Variants in MYH1 observed in about 807,000 individuals in gnomAD.
MYH1 encodes myosin heavy chain 1, also known as myosin-1.
MYH1 carries 214 observed loss-of-function variants against 225.6 expected under a neutral mutation model. The observed-to-expected ratio is 0.95, with a 90% confidence interval of 0.85 to 1.06. MYH1 has a LOEUF of 1.06. Among genes scored for constraint, MYH1 ranks in the 50% least tolerant of loss-of-function variants. The pLI is 0.00. For missense variants in MYH1, 2,098 were observed against 2,344.2 expected, an observed-to-expected ratio of 0.89 and a Z score of 2.17; for synonymous variants, 774 against 842.3, an observed-to-expected ratio of 0.92 and a Z score of 1.40.
chr17:10,496,611 A>G, intron 33 of MYH1, 62 bp from the exon 34 acceptor site: 4 of 1,605,606 alleles, frequency 2.5e-6, no homozygotes, highest in Middle Eastern at 3.3e-4. Flanking sequence ...TCTAGAGATA[A>G]GAATGATTTA....
In MYH1 at chr17:10,496,382, C is replaced by T. The variant is rs758314512; in HGVS notation, c.4824G>A (p.Glu1608=). Residue 1608 remains glutamate (E), a synonymous_variant, in exon 34 of 40, where the codon GAG becomes GAA. Transcript: ENST00000226207. ...TAATGGCATCATTCCTGCTCCTGAT[C>T]TCAGCATCCAGTGTGCTCTGCATGG... ...VESMQSTLDA[E]IRSRNDAIRL... is the part of the protein sequence containing the mutation. The T allele has an allele frequency of 5.0e-6, 8 of 1,613,936 alleles. No homozygotes were observed. The highest frequency in any genetic ancestry group is 3.3e-5 in the Admixed American group (2 of 60,000).
intron 5 of MYH1, among the ~76,000 whole-genome samples, chr17:10,515,248 C>T (rs1366050787): frequency 1.3e-5 from 2 of 152,130 alleles, no homozygotes; most frequent in African/African-American, 4.8e-5. Context: ...CAGATGACTT[C>T]ACAAAGAGAA....
chr17:10,492,431 G>A lies in MYH1; in HGVS notation c.5805C>T (p.Ile1935=), dbSNP rs746682561. 1.2e-6 allele frequency: 2 copies of A among 1,613,856 alleles called. No individual in the cohort carries two copies. Among genetic ancestry groups the A allele is most frequent in the South Asian group, 2.2e-5 (2 of 90,984 alleles). The change falls in exon 40 of 40, where the codon ATC becomes ATT. Residue 1935 remains isoleucine, a synonymous_variant. Transcript: ENST00000226207. ...GTTAGATAAATTACTCTTCACTTAT[G>A]ATTTTTGTGTGAACCTCCCTGCTCT... ...RVKSREVHTK[I]ISEE is the part of the protein sequence containing the mutation.
chr17:10,494,411 G>A lies in MYH1; in HGVS notation c.5610C>T (p.Asp1870=). The part of the protein sequence containing the change: ...EDRKNILRLQ[D]LVDKLQAKVK... ...CCTTTGCTTGCAGTTTGTCCACCAGGTCCTGGAGCCTGAGAATATTCTTGC... is the reference window on the plus strand; with the variant it reads ...CCTTTGCTTGCAGTTTGTCCACCAGATCCTGGAGCCTGAGAATATTCTTGC... Residue 1870 remains aspartate (D), a synonymous_variant, in exon 39 of 40, where the codon GAC becomes GAT. Transcript: ENST00000226207. 2 of 1,614,108 alleles carry A rather than the reference G, an allele frequency of 1.2e-6. No homozygotes were observed. The highest frequency in any genetic ancestry group is 1.1e-5 in the South Asian group (1 of 91,078).
chr17:10,495,484 G>A (rs191973019), intron 35 of MYH1, among the ~76,000 whole-genome samples, 167 bp from the exon 36 acceptor site: 25 of 152,056 alleles, frequency 1.6e-4, no homozygotes, highest in Admixed American at 1.2e-3. Context: ...TCAACTGGCC[G>A]GGCGCGGTGG....
chr17:10,514,799 T>C, intron 6 of MYH1, 69 bp downstream of exon 6: 1 of 1,420,464 alleles, frequency 7.0e-7, no homozygotes, highest in Non-Finnish European at 9.9e-7. Flanking sequence ...TTAACTAATT[T>C]CTTTTTTTGG....
chr17:10,498,022 C>T (rs1322846577), intron 30 of MYH1, 105 bp from the exon 31 acceptor site: 24 of 1,123,578 alleles, frequency 2.1e-5, no homozygotes, highest in Non-Finnish European at 2.8e-5. Context: ...TAATACTTTG[C>T]TTCTCAAGCT....
rs1337357429 is a variant in MYH1, at chr17:10,497,455, G to A, written c.4366-3C>T. On this transcript the variant is annotated splice_polypyrimidine_tract_variant and splice_region_variant and intron_variant, in intron 31 of 39. Transcript: ENST00000226207. ...TTCTGTTTCCATTCTGCCAGGATCT[G>A]AAGGTCAAGGAATGGACAAGAAATT... is the stretch of plus-strand genomic sequence containing the variant. 4.4e-6 allele frequency: 7 copies of A among 1,595,970 alleles called. No homozygotes were observed. The African/African-American group carries it at 6.8e-5, about 15-fold the overall frequency.
chr17:10,496,425 T>C lies in MYH1; in HGVS notation c.4781A>G (p.His1594Arg), dbSNP rs2072995276. Residue 1594 changes from histidine to arginine, a missense_variant, in exon 34 of 40, where the codon CAC becomes CGC. Physicochemically the swap from His to Arg is conservative, Grantham distance 29 (BLOSUM62 0). Transcript: ENST00000226207. ...DEEIDQMKRNHIRIVESMQST... is the reference protein window; with the variant it reads ...DEEIDQMKRNRIRIVESMQST... Reference sequence around the variant, plus strand: ...CTGCATGGACTCCACGATTCTAATGTGGTTTCTCTTCATCTGGTCAATTTC... The same window carrying C: ...CTGCATGGACTCCACGATTCTAATGCGGTTTCTCTTCATCTGGTCAATTTC... 21 of 1,614,010 alleles carry C rather than the reference T, an allele frequency of 1.3e-5. No homozygotes were observed. In the East Asian group the frequency reaches 4.7e-4, roughly 36 times the overall value.
Position 10,495,103 on chromosome 17 carries a change from T to C in MYH1, c.5296-2A>G. 1 of 1,614,206 alleles carries C rather than the reference T, an allele frequency of 6.2e-7. No individual in the cohort carries two copies. Among genetic ancestry groups the C allele is most frequent in the South Asian group, 1.1e-5 (1 of 91,084 alleles). On this transcript the variant is annotated splice_acceptor_variant, in intron 36 of 39. Transcript: ENST00000226207. LOFTEE classifies it high-confidence loss of function. ...CAGCTCCTCAGCCATCATGGCAGCCTAATTAGCAGTAAAACAGAATGGGTT... is the reference window on the plus strand; with the variant it reads ...CAGCTCCTCAGCCATCATGGCAGCCCAATTAGCAGTAAAACAGAATGGGTT...
At position 10,497,911 on chromosome 17, in the gene MYH1, C is replaced by T. The variant is rs779036217; in HGVS notation, c.4188G>A (p.Lys1396=). 3 of 1,596,770 alleles carry T rather than the reference C, an allele frequency of 1.9e-6. No individual in the cohort carries two copies. The highest frequency in any genetic ancestry group is 2.6e-6 in the Non-Finnish European group (3 of 1,175,328). ...CAGCATCCTGCAGACGCTGAGCCAG[C>T]TTCTTCCTATGAAATATGGGCAATA... The part of the protein sequence containing the change: ...RTEELEEAKK[K]LAQRLQDAEE... Residue 1396 remains lysine, a synonymous_variant, in exon 31 of 40, where the codon AAG becomes AAA. Transcript: ENST00000226207.
chr17:10,494,954 G>A lies in MYH1; in HGVS notation c.5443C>T (p.Gln1815Ter). 1.2e-6 allele frequency: 2 copies of A among 1,614,140 alleles called. No homozygotes were observed. Among genetic ancestry groups the A allele is most frequent in the Non-Finnish European group, 1.7e-6 (2 of 1,180,016 alleles). ...ACCCTGGCCTCCAGTTTCTGGATCTGCTTCTTCCCACCCTTCAGGGCCAGC... is the reference window on the plus strand; with the variant it reads ...ACCCTGGCCTCCAGTTTCTGGATCTACTTCTTCCCACCCTTCAGGGCCAGC... ...EQLALKGGKK[Q>*]IQKLEARVRE... Residue 1815 changes from glutamine to a stop codon, truncating the protein, a stop_gained, in exon 37 of 40, where the codon CAG becomes TAG. Coordinates refer to ENST00000226207, the MANE Select transcript of MYH1 (RefSeq NM_005963.4). LOFTEE classifies it high-confidence loss of function.
chr17:10,494,516 CT>C, intron 38 of MYH1, 52 bp downstream of exon 38: 1 of 1,610,600 alleles, frequency 6.2e-7, no homozygotes, highest in Non-Finnish European at 8.5e-7. Flanking sequence ...ATACATATGA[CT>C]TTTAATCCCA....
At chr17:10,512,319 G>A (rs576242675) in intron 12 of MYH1, 89 bp downstream of exon 12, 183 of 1,602,592 alleles carry the variant, frequency 1.1e-4, no homozygotes, top group African/African-American at 9.1e-4. Context: ...TGTCCATCAG[G>A]AGCTCAGCTG....
chr17:10,502,649 G>A (rs556710769), intron 24 of MYH1, 89 bp downstream of exon 24: 3 of 1,571,298 alleles, frequency 1.9e-6, no homozygotes, highest in South Asian at 1.1e-5. Flanking sequence ...CACTTGATAA[G>A]TACTCACTAT....
Position 10,498,831 on chromosome 17 carries a change from A to C in MYH1, c.3985-9T>G. Reference sequence around the variant, plus strand: ...GCCAGGGCACTCTTGGCCTGAGAACATAGAGATTGATGACTTAATTTTATA... The same window carrying C: ...GCCAGGGCACTCTTGGCCTGAGAACCTAGAGATTGATGACTTAATTTTATA... On this transcript the variant is annotated splice_polypyrimidine_tract_variant and intron_variant, in intron 29 of 39. Transcript: ENST00000226207. The C allele has an allele frequency of 6.2e-7, 1 of 1,613,910 alleles. No homozygotes were observed. The highest frequency in any genetic ancestry group is 1.7e-5 in the Admixed American group (1 of 59,962).
intron 28 of MYH1, among the ~76,000 whole-genome samples, chr17:10,499,492 A>T (rs1305636109): frequency 6.6e-6 from 1 of 152,222 alleles, no homozygotes; most frequent in Non-Finnish European, 1.5e-5. Context: ...ACTGTGGAAA[A>T]TAAGAGACTT....
Position 10,518,287 on chromosome 17 carries a change from A to T in MYH1, c.-71-17T>A, listed in dbSNP as rs954399332. On this transcript the variant is annotated splice_polypyrimidine_tract_variant and intron_variant, in intron 1 of 39. Coordinates refer to ENST00000226207, the MANE Select transcript of MYH1 (RefSeq NM_005963.4). ...GGATCAGAACTGTAAGAAAAAGAGC[A>T]AACCTCTTCTGATTAAATTATAACA... The T allele has an allele frequency of 6.6e-6, 1 of 152,242 alleles. No homozygotes were observed. Among genetic ancestry groups the T allele is most frequent in the Non-Finnish European group, 1.5e-5 (1 of 68,052 alleles). The allele number at this position is 152,242 out of a possible 1,614,324, so 9.4% of individuals were successfully genotyped here.
At position 10,508,357 on chromosome 17, in the gene MYH1, A is replaced by C; in HGVS notation, c.1897+6T>G. The C allele has an allele frequency of 6.3e-7, 1 of 1,590,842 alleles. No homozygotes were observed. The highest frequency in any genetic ancestry group is 8.5e-7 in the Non-Finnish European group (1 of 1,169,886). On this transcript the variant is annotated splice_donor_region_variant and intron_variant, in intron 16 of 39. Coordinates refer to ENST00000226207, the MANE Select transcript of MYH1 (RefSeq NM_005963.4). ...TAGGTAAAAGATTAATTATATTGAT[A>C]ATTACCTGCTTCCGCTCCCGTTGCC...
Sources: gnomAD v4.1 joint callset for allele counts (sites outside exome capture counted in the v4.1 genomes callset) on GRCh38, gnomAD v4.1.1 for gene constraint, MANE v1.5 for transcripts, NCBI Gene and HGNC (gene_info 2026-07-23, HGNC 2026-07-21) for gene names.